Variants in HSPA4 observed in about 807,000 individuals in gnomAD.
HSPA4 encodes the protein heat shock protein family A (Hsp70) member 4.
HSPA4 carries 25 observed loss-of-function variants against 106.2 expected under a neutral mutation model. The ratio of observed to expected loss-of-function variants is 0.24; its 90% CI spans 0.17 to 0.33. The LOEUF is 0.33. Among genes scored for constraint, HSPA4 ranks in the 10% least tolerant of loss-of-function variants. HSPA4 has a pLI of 1.00. For synonymous variants in HSPA4, 332 were observed against 333.6 expected (o/e 1.00, Z 0.05); for missense variants, 841 against 996.0 (o/e 0.84, Z 2.10).
rs1185218233 is a variant in HSPA4, at chr5:133,104,717, C to T, written c.*281C>T. The T allele has an allele frequency of 1.8e-5, 6 of 331,146 alleles. No individual in the cohort carries two copies. The highest frequency in any genetic ancestry group is 4.3e-5 in the African/African-American group (2 of 46,286). The allele number at this position is 331,146 out of a possible 1,614,324, so 20.5% of individuals were successfully genotyped here. A position where few individuals can be genotyped will look rare whatever the true frequency, so the allele number is the denominator to read the frequency against. On this transcript the variant is annotated 3_prime_UTR_variant, in exon 19 of 19. Coordinates refer to ENST00000304858, the MANE Select transcript of HSPA4 (RefSeq NM_002154.4). ...TCCTTTATGTTTAACCATGTGTCTA[C>T]AAGAATAAGTTTGTTTTGGAAAGTT...
intron 15 of HSPA4, among the ~76,000 whole-genome samples, chr5:133,099,165 T>G (rs1180353382): frequency 6.6e-6 from 1 of 152,222 alleles, no homozygotes; most frequent in African/African-American, 2.4e-5. Context: ...AGCCTTGCTC[T>G]GTTGCCCAGG....
At position 133,104,280 on chromosome 5, in the gene HSPA4, A is replaced by G; in HGVS notation, c.2367A>G (p.Lys789=). 1 of 1,614,186 alleles carries G rather than the reference A, an allele frequency of 6.2e-7. No individual in the cohort carries two copies. Among genetic ancestry groups the G allele is most frequent in the South Asian group, 1.1e-5 (1 of 91,088 alleles). The change falls in exon 19 of 19, where the codon AAA becomes AAG. Residue 789 remains lysine, a synonymous_variant. Coordinates refer to ENST00000304858, the MANE Select transcript of HSPA4 (RefSeq NM_002154.4). ...CTATAATTTCAAAGCCCAAACCCAA[A>G]GTGGAACCTCCAAAAGAGGAACAAA... ...CSPIISKPKP[K]VEPPKEEQKN... is the part of the protein sequence containing the mutation.
At position 133,105,363 on chromosome 5, in the gene HSPA4, TAA is replaced by T. The variant is rs971785850; in HGVS notation, c.*928_*929del. The stretch of plus-strand genomic sequence containing the variant: ...AGCTCATTCACAATCACTTGTGTGT[TAA>T]GTGTTAATATCTGTCATGAACCTGC... On this transcript the variant is annotated 3_prime_UTR_variant, in exon 19 of 19. Coordinates refer to ENST00000304858, the MANE Select transcript of HSPA4 (RefSeq NM_002154.4). The T allele has an allele frequency of 3.9e-5, 6 of 152,188 alleles. No individual in the cohort carries two copies. Among genetic ancestry groups the T allele is most frequent in the African/African-American group, 1.4e-4 (6 of 41,430 alleles). The allele number at this position is 152,188 out of a possible 1,614,324, so 9.4% of individuals were successfully genotyped here.
In HSPA4 at chr5:133,074,544, C is replaced by T. The variant is rs1021205092; in HGVS notation, c.663+418C>T. Among the ~76,000 whole-genome samples, 20 of 152,322 alleles carry T rather than the reference C, an allele frequency of 1.3e-4. No individual in the cohort carries two copies. The East Asian group carries it at 3.9e-3, about 29-fold the overall frequency. On this transcript the variant is annotated intron_variant, in intron 6 of 18. Transcript: ENST00000304858. ...CCACCTGCCTCGGCCTCCCAAAGTG[C>T]TGGCATTACAGGCGTGAGCCACGGC...
chr5:133,104,253 C>T lies in HSPA4; in HGVS notation c.2340C>T (p.Ser780=). Residue 780 remains serine (S), a synonymous_variant, in exon 19 of 19, where the codon AGC becomes AGT. Coordinates refer to ENST00000304858, the MANE Select transcript of HSPA4 (RefSeq NM_002154.4). The part of the protein sequence containing the change: ...AKIKELTSTC[S]PIISKPKPKV... ...TCCAGGAGCTGACAAGTACTTGTAG[C>T]CCTATAATTTCAAAGCCCAAACCCA... 1.2e-6 allele frequency: 2 copies of T among 1,613,914 alleles called. No individual in the cohort carries two copies. Among genetic ancestry groups the T allele is most frequent in the Admixed American group, 1.7e-5 (1 of 60,008 alleles).
intron 4 of HSPA4, among the ~76,000 whole-genome samples, chr5:133,072,771 C>A (rs1765400988): frequency 6.6e-6 from 1 of 152,048 alleles, no homozygotes; most frequent in Admixed American, 6.6e-5. Context: ...ACCAAAATTC[C>A]AACTCCCAGA....
chr5:133,099,772 A>G, intron 16 of HSPA4, 120 bp downstream of exon 16: 1 of 502,606 alleles, frequency 2.0e-6, no homozygotes. Flanking sequence ...GATGAACTAA[A>G]ATAAACCCTT....
At chr5:133,083,656 G>C (rs1765543821) in intron 7 of HSPA4, among the ~76,000 whole-genome samples, 1 of 151,986 alleles carries the variant, frequency 6.6e-6, no homozygotes, top group African/African-American at 2.4e-5. Flanking sequence ...TCCTGCCTCA[G>C]CTTCCCAAGT....
At position 133,074,123 on chromosome 5, in the gene HSPA4, G is replaced by C; in HGVS notation, c.660G>C (p.Leu220=). Residue 220 remains leucine (L), a synonymous_variant, in exon 6 of 19, where the codon CTG becomes CTC. Coordinates refer to ENST00000304858, the MANE Select transcript of HSPA4 (RefSeq NM_002154.4). ...VSVCAFNRGK[L]KVLATAFDTT... is the part of the protein sequence containing the mutation. Reference sequence around the variant, plus strand: ...TATGTGCATTTAATAGAGGAAAACTGAAAGTAAGTATATATTTTTTTTCCA... The same window carrying C: ...TATGTGCATTTAATAGAGGAAAACTCAAAGTAAGTATATATTTTTTTTCCA... The C allele has an allele frequency of 6.3e-7, 1 of 1,582,462 alleles. No homozygotes were observed. Among genetic ancestry groups the C allele is most frequent in the Non-Finnish European group, 8.6e-7 (1 of 1,167,546 alleles).
At chr5:133,079,387 C>A (rs975235908) in intron 7 of HSPA4, among the ~76,000 whole-genome samples, 6 of 152,166 alleles carry the variant, frequency 3.9e-5, no homozygotes, top group Admixed American at 3.3e-4. Flanking sequence ...TAAGTGTAAT[C>A]ATGTAATATG....
chr5:133,090,157 A>G (rs912525691), intron 11 of HSPA4, among the ~76,000 whole-genome samples: 6 of 152,162 alleles, frequency 3.9e-5, no homozygotes, highest in African/African-American at 1.4e-4. Context: ...GAAAATAGCC[A>G]GGTGCGGTGG....
chr5:133,063,787 G>C (rs1317257239), intron 1 of HSPA4, among the ~76,000 whole-genome samples: 1 of 151,130 alleles, frequency 6.6e-6, no homozygotes, highest in Non-Finnish European at 1.5e-5. Context: ...TTTTGAGATA[G>C]GGTCTTGCTC....
intron 3 of HSPA4, among the ~76,000 whole-genome samples, chr5:133,070,059 T>C (rs998174883): frequency 2.6e-5 from 4 of 151,980 alleles, no homozygotes; most frequent in African/African-American, 9.7e-5. Context: ...CCCCGCTACT[T>C]GGGAGGCTGA....
At position 133,053,328 on chromosome 5, in the gene HSPA4, C is replaced by CTTTTTTTTTTTTTT. The variant is rs58722769; in HGVS notation, c.107+977_107+990dup. Among the ~76,000 whole-genome samples the CTTTTTTTTTTTTTT allele has an allele frequency of 9.3e-5, 12 of 129,234 alleles. 3 individuals carry two copies. The highest frequency in any genetic ancestry group is 1.8e-4 in the African/African-American group (6 of 34,120). 84.8% of individuals were successfully genotyped at this position (129,234 alleles called of 152,430 possible). On this transcript the variant is annotated intron_variant, in intron 1 of 18. Transcript: ENST00000304858. ...TTATTTGCCATTCAGGGTCTCTCTT[C>CTTTTTTTTTTTTTT]TTTTTTTTTTTTTTTTTTTCTTTTT... is the stretch of plus-strand genomic sequence containing the variant.
At position 133,104,225 on chromosome 5, in the gene HSPA4, C is replaced by A. The variant is rs1229887338; in HGVS notation, c.2320-8C>A. ...TAAGAAACCAGTTTTCTGTCTTACC[C>A]ATTCCAGGAGCTGACAAGTACTTGT... On this transcript the variant is annotated splice_polypyrimidine_tract_variant and splice_region_variant and intron_variant, in intron 18 of 18. Transcript: ENST00000304858. The A allele has an allele frequency of 7.4e-6, 12 of 1,612,378 alleles. No homozygotes were observed. The highest frequency in any genetic ancestry group is 7.6e-6 in the Non-Finnish European group (9 of 1,178,866).
At chr5:133,094,597 G>T (rs1452787596) in intron 13 of HSPA4, among the ~76,000 whole-genome samples, 3 of 152,160 alleles carry the variant, frequency 2.0e-5, no homozygotes, top group Non-Finnish European at 2.9e-5. Context: ...CTATATGTTT[G>T]TGGAAGGTGG....
At chr5:133,054,377 C>T (rs1018427184) in intron 1 of HSPA4, among the ~76,000 whole-genome samples, 1 of 151,770 alleles carries the variant, frequency 6.6e-6, no homozygotes, top group South Asian at 2.1e-4. Context: ...TAATTTTTGT[C>T]TTTTTTAGTA....
intron 15 of HSPA4, 118 bp from the exon 16 acceptor site, chr5:133,099,427 C>G: frequency 2.2e-6 from 1 of 446,826 alleles, no homozygotes. Context: ...GCCACTGCAC[C>G]TGGCTGCCCT....
chr5:133,057,203 C>G (rs140192742), intron 1 of HSPA4, among the ~76,000 whole-genome samples: 24 of 152,250 alleles, frequency 1.6e-4, no homozygotes, highest in Admixed American at 9.2e-4. Flanking sequence ...AGAGAGTACT[C>G]TGATTAATGT....
Sources: gnomAD v4.1 joint callset for allele counts (sites outside exome capture counted in the v4.1 genomes callset) on GRCh38, gnomAD v4.1.1 for gene constraint, MANE v1.5 for transcripts, NCBI Gene and HGNC (gene_info 2026-07-23, HGNC 2026-07-21) for gene names.